LRPPRC: variants seen among roughly 807,000 people sequenced by gnomAD.
LRPPRC encodes the protein leucine-rich PPR motif-containing protein, mitochondrial.
Under a neutral mutation model 180.3 loss-of-function variants are expected in LRPPRC, and 120 were observed. That is an observed-to-expected ratio of 0.67 (90% CI 0.57 to 0.77). LRPPRC has a LOEUF of 0.77. LRPPRC is among the 30% of genes least tolerant of loss of function. The pLI is 0.00. For missense variants in LRPPRC, 2,012 were observed against 1,657.2 expected (o/e 1.21, Z -3.72); for synonymous variants, 723 against 600.0 (o/e 1.21, Z -3.00).
At chr2:43,931,076 T>C (rs1440369974) in intron 25 of LRPPRC, among the ~76,000 whole-genome samples, 2 of 152,182 alleles carry the variant, frequency 1.3e-5, no homozygotes, top group Non-Finnish European at 2.9e-5. Flanking sequence ...AAATGATGTA[T>C]GAAATGTTAC....
In LRPPRC at chr2:43,975,130, A is replaced by C; in HGVS notation, c.825T>G (p.Asn275Lys). The C allele has an allele frequency of 1.2e-6, 2 of 1,613,514 alleles. No individual in the cohort carries two copies. The highest frequency in any genetic ancestry group is 8.5e-7 in the Non-Finnish European group (1 of 1,179,722). Residue 275 changes from asparagine to lysine, a missense_variant, in exon 7 of 38, where the codon AAT (asparagine) becomes AAG (lysine). Physicochemically the swap from Asn to Lys is moderately conservative, Grantham distance 94 (BLOSUM62 0). Coordinates refer to ENST00000260665, the MANE Select transcript of LRPPRC (RefSeq NM_133259.4). ...CAATGTCGCCCTTCTCAGCATATGC[A>C]TTCAATAATGCGAGGTATGTGTCTG... ...PGPDTYLALL[N>K]AYAEKGDIDH... is the part of the protein sequence containing the mutation.
rs1674340591 is a variant in LRPPRC at position 43,982,235 on chromosome 2, T to C, written c.346+3A>G. ...ACTTTATGAACAGGAAATTTTGAAATACCTGAGCGGCAGGTATCATTAAAA... is the reference window on the plus strand; with the variant it reads ...ACTTTATGAACAGGAAATTTTGAAACACCTGAGCGGCAGGTATCATTAAAA... On this transcript the variant is annotated splice_donor_region_variant and intron_variant, in intron 2 of 37. Transcript: ENST00000260665. 2 of 1,556,328 alleles carry C rather than the reference T, an allele frequency of 1.3e-6. No homozygotes were observed. The highest frequency in any genetic ancestry group is 1.7e-6 in the Non-Finnish European group (2 of 1,155,094).
At chr2:43,963,770 AAGTTC>A in intron 11 of LRPPRC, 64 bp from the exon 12 acceptor site, 2 of 889,588 alleles carry the variant, frequency 2.2e-6, no homozygotes, top group Non-Finnish European at 3.8e-6. Flanking sequence ...AAAGATCGGT[AAGTTC>A]AGTTCAATTA....
chr2:43,978,594 A>G (rs1191842107), intron 3 of LRPPRC, among the ~76,000 whole-genome samples: 1 of 152,054 alleles, frequency 6.6e-6, no homozygotes, highest in African/African-American at 2.4e-5. Flanking sequence ...TCAATATTTT[A>G]GCTTTACTTT....
rs1237392240 is a variant in LRPPRC at position 43,945,353 on chromosome 2, C to T, written c.2275G>A (p.Ala759Thr). 3 of 1,611,918 alleles carry T rather than the reference C, an allele frequency of 1.9e-6. No homozygotes were observed. The highest frequency in any genetic ancestry group is 2.5e-6 in the Non-Finnish European group (3 of 1,178,198). The change falls in exon 22 of 38, where the codon GCA becomes ACA. Residue 759 changes from alanine (A) to threonine (T), a missense_variant. Ala to Thr is a moderately conservative substitution (Grantham distance 58, BLOSUM62 0). Coordinates refer to ENST00000260665, the MANE Select transcript of LRPPRC (RefSeq NM_133259.4). ...TTACCTTGGAGCTTGCCATGCTTTG[C>T]CAATACTCTTACAAGGCCTACATAC... Reference protein sequence around the residue: ...GKYVGLVRVLAKHGKLQDAIN... With the variant: ...GKYVGLVRVLTKHGKLQDAIN...
chr2:43,970,631 T>A (rs1376382718), intron 11 of LRPPRC, among the ~76,000 whole-genome samples: 1 of 152,212 alleles, frequency 6.6e-6, no homozygotes, highest in Non-Finnish European at 1.5e-5. Flanking sequence ...TTGATCAATC[T>A]AGAGGAAAGT....
intron 2 of LRPPRC, among the ~76,000 whole-genome samples, chr2:43,981,639 G>A (rs562373266): frequency 9.9e-5 from 15 of 151,532 alleles, no homozygotes; most frequent in East Asian, 7.8e-4. Context: ...CCTGCTGGGC[G>A]ACAGAGCGAT....
At position 43,994,399 on chromosome 2, in the gene LRPPRC, C is replaced by T. The variant is rs183993431; in HGVS notation, c.149+1400G>A. 3.9e-5 allele frequency among the ~76,000 whole-genome samples: 6 copies of T among 152,324 alleles called. No individual in the cohort carries two copies. In the East Asian group the frequency reaches 7.7e-4, roughly 20 times the overall value. ...CGCATAACCGTAGATATTATGACTC[C>T]TGTAGTAACCAACAAAGCACTTACT... On this transcript the variant is annotated intron_variant, in intron 1 of 37. Coordinates refer to ENST00000260665, the MANE Select transcript of LRPPRC (RefSeq NM_133259.4).
chr2:43,896,619 G>A lies in LRPPRC; in HGVS notation c.3900+15C>T, dbSNP rs76850904. ...GTACAGTATCATTGATTTGTAAGCA[G>A]GTAAAGCACAGTACCTTTCCTTGTT... On this transcript the variant is annotated intron_variant, in intron 35 of 37. Coordinates refer to ENST00000260665, the MANE Select transcript of LRPPRC (RefSeq NM_133259.4). The A allele has an allele frequency of 0.097, 150,935 of 1,552,006 alleles. 8,209 individuals are homozygous for A. The highest frequency in any genetic ancestry group is 0.16 in the South Asian group (14,083 of 89,400).
intron 29 of LRPPRC, among the ~76,000 whole-genome samples, chr2:43,915,880 C>T (rs1244897725): frequency 6.6e-6 from 1 of 152,148 alleles, no homozygotes; most frequent in Non-Finnish European, 1.5e-5. Context: ...ATCCTCTCAC[C>T]TCAACCTCCT....
chr2:43,991,827 G>C (rs1038360720), intron 1 of LRPPRC, among the ~76,000 whole-genome samples: 1 of 152,182 alleles, frequency 6.6e-6, no homozygotes, highest in Non-Finnish European at 1.5e-5. Flanking sequence ...TCCTCAAATA[G>C]GACATTCCTG....
intron 31 of LRPPRC, among the ~76,000 whole-genome samples, chr2:43,905,007 A>T (rs2104999978): frequency 1.3e-5 from 2 of 152,234 alleles, no homozygotes; most frequent in East Asian, 3.9e-4. Flanking sequence ...CATCCCCTTC[A>T]AAACTCATAA....
intron 31 of LRPPRC, chr2:43,903,538 C>T (rs1348819782): frequency 1.5e-5 from 2 of 134,262 alleles, no homozygotes; most frequent in Non-Finnish European, 3.0e-5. Context: ...GATCATTTTA[C>T]TCTAACAACA....
At chr2:43,962,602 C>T (rs1316330318) in intron 12 of LRPPRC, among the ~76,000 whole-genome samples, 2 of 152,150 alleles carry the variant, frequency 1.3e-5, no homozygotes, top group Non-Finnish European at 2.9e-5. Flanking sequence ...AAAACGCAAC[C>T]TTTGCTAATC....
intron 5 of LRPPRC, 43 bp from the exon 6 acceptor site, chr2:43,976,272 G>A (rs1674051101): frequency 9.3e-7 from 1 of 1,069,584 alleles, no homozygotes; most frequent in Non-Finnish European, 1.5e-6. Flanking sequence ...GTATTTATAA[G>A]AACACTCTTT....
chr2:43,919,028 G>A (rs1353479774), intron 27 of LRPPRC, among the ~76,000 whole-genome samples: 1 of 151,990 alleles, frequency 6.6e-6, no homozygotes, highest in East Asian at 1.9e-4. Context: ...TTAGGAACCG[G>A]GCTGCACAGC....
At chr2:43,932,799 A>G (rs1672136912) in intron 25 of LRPPRC, among the ~76,000 whole-genome samples, 1 of 152,196 alleles carries the variant, frequency 6.6e-6, no homozygotes, top group African/African-American at 2.4e-5. Flanking sequence ...AGAAAGGTTT[A>G]ATAACTTGTC....
chr2:43,950,385 A>G (rs1672853201), intron 15 of LRPPRC, among the ~76,000 whole-genome samples, 188 bp downstream of exon 15: 1 of 152,092 alleles, frequency 6.6e-6, no homozygotes, highest in African/African-American at 2.4e-5. Context: ...CTCCCATTGG[A>G]TTCTTATCAA....
intron 8 of LRPPRC, 149 bp from the exon 9 acceptor site, chr2:43,974,444 A>C: frequency 1.2e-6 from 1 of 816,654 alleles, no homozygotes; most frequent in Non-Finnish European, 2.1e-6. Flanking sequence ...TGCAAATCAA[A>C]TCATCCCCAT....
Sources: allele counts gnomAD v4.1 joint callset (sites outside exome capture counted in the v4.1 genomes callset), GRCh38; gene constraint gnomAD v4.1.1; transcripts MANE v1.5; gene names NCBI Gene and HGNC (gene_info 2026-07-23, HGNC 2026-07-21).